PCDH17: variants seen among roughly 807,000 people sequenced by gnomAD.
PCDH17 encodes the protein protocadherin 17.
In PCDH17, 21 loss-of-function variants were observed where a neutral mutation model predicts 67.7. The ratio of observed to expected loss-of-function variants is 0.31; its 90% CI spans 0.22 to 0.45. The LOEUF is 0.45. Ranked by LOEUF, PCDH17 falls within the 20% of genes least tolerant of loss-of-function variation. The pLI, the probability that PCDH17 is intolerant of heterozygous loss-of-function variation, is 1.00. For synonymous variants in PCDH17, 701 were observed against 656.7 expected (o/e 1.07, Z -1.03); for missense variants, 1,471 against 1,564.8 (o/e 0.94, Z 1.01).
intron 1 of PCDH17, among the ~76,000 whole-genome samples, chr13:57,647,024 A>G (rs1015744072): frequency 1.3e-5 from 2 of 151,834 alleles, no homozygotes; most frequent in Admixed American, 6.6e-5. Flanking sequence ...GTAATATTCC[A>G]TAATCTGTTT....
intron 1 of PCDH17, among the ~76,000 whole-genome samples, chr13:57,645,843 G>A (rs1350674318): frequency 1.3e-5 from 2 of 151,186 alleles, no homozygotes; most frequent in African/African-American, 4.8e-5. Flanking sequence ...TGTTATGTCT[G>A]TCTATTTTTT....
chr13:57,714,557 A>G (rs1955802342), intron 3 of PCDH17, among the ~76,000 whole-genome samples: 1 of 151,778 alleles, frequency 6.6e-6, no homozygotes, highest in African/African-American at 2.4e-5. Context: ...GAAGGATAGT[A>G]GAATACTTAA....
chr13:57,652,537 A>C (rs1955055340), intron 1 of PCDH17, among the ~76,000 whole-genome samples: 1 of 152,184 alleles, frequency 6.6e-6, no homozygotes, highest in African/African-American at 2.4e-5. Context: ...TCTTCTATAT[A>C]AATTGTGACT....
intron 1 of PCDH17, among the ~76,000 whole-genome samples, chr13:57,662,335 A>T (rs1021597908): frequency 3.9e-5 from 6 of 152,220 alleles, no homozygotes; most frequent in African/African-American, 1.2e-4. Context: ...ATTATGTTAC[A>T]TGCATACATT....
intron 1 of PCDH17, among the ~76,000 whole-genome samples, chr13:57,657,219 G>A (rs958400293): frequency 2.1e-4 from 32 of 152,116 alleles, no homozygotes; most frequent in Non-Finnish European, 1.0e-4. Flanking sequence ...TTGAGCAGCA[G>A]ACTTAAAAAT....
chr13:57,641,558 GAAAAAAAAAAAAAAAAAAAAA>G (rs71209470), intron 1 of PCDH17, among the ~76,000 whole-genome samples: 4 of 24,516 alleles, frequency 1.6e-4, no homozygotes, highest in East Asian at 2.3e-3. Context: ...GTGTTTGAGA[GAAAAAAAAAAAAAAAAAAAAA>G]AAAAAAAAAT....
At position 57,729,214 on chromosome 13, in the gene PCDH17, A is replaced by G. The variant is rs1955935303; in HGVS notation, c.*3920A>G. The G allele has an allele frequency of 6.6e-6, 1 of 152,120 alleles. No homozygotes were observed. Among genetic ancestry groups the G allele is most frequent in the Non-Finnish European group, 1.5e-5 (1 of 67,968 alleles). The allele number at this position is 152,120 out of a possible 1,614,324, so 9.4% of individuals were successfully genotyped here. On this transcript the variant is annotated 3_prime_UTR_variant, in exon 4 of 4. Coordinates refer to ENST00000377918, the MANE Select transcript of PCDH17 (RefSeq NM_001040429.3). ...ACAAGGACAACAACAAAAGCAGCAT[A>G]CATTGTATGGATTTATCTCAACGCT... is the stretch of plus-strand genomic sequence containing the variant.
At chr13:57,723,174 GAAGA>G (rs1238984097) in intron 3 of PCDH17, among the ~76,000 whole-genome samples, 1 of 152,108 alleles carries the variant, frequency 6.6e-6, no homozygotes, top group African/African-American at 2.4e-5. Flanking sequence ...AATTAAAATA[GAAGA>G]AAGATACCTA....
At chr13:57,658,087 A>G (rs898227873) in intron 1 of PCDH17, among the ~76,000 whole-genome samples, 11 of 152,160 alleles carry the variant, frequency 7.2e-5, no homozygotes, top group Admixed American at 6.5e-5. Context: ...TAAAATGTAT[A>G]AAAATAATGT....
At position 57,633,900 on chromosome 13, in the gene PCDH17, C is replaced by T. The variant is rs763890261; in HGVS notation, c.1354C>T (p.Leu452Phe). 11 of 1,613,164 alleles carry T rather than the reference C, an allele frequency of 6.8e-6. No homozygotes were observed. Among genetic ancestry groups the T allele is most frequent in the Non-Finnish European group, 9.3e-6 (11 of 1,180,036 alleles). Residue 452 changes from leucine (L) to phenylalanine (F), a missense_variant, in exon 1 of 4, where the codon CTC becomes TTC. By Grantham distance (22) the Leu-to-Phe change is conservative (BLOSUM62 0). Around this residue, in one of 3 missense-constraint regions of PCDH17, gnomAD observed 1,163 missense variants for 1,230.0 expected, o/e 0.95. Coordinates refer to ENST00000377918, the MANE Select transcript of PCDH17 (RefSeq NM_001040429.3). The surrounding 1 kb of genome is among the most constrained non-coding windows in gnomAD (Gnocchi z 6.2). ...GGCGCGGGACGGGGGCTCTCCTCCC[C>T]TCAACTCCACCAAGTCGTTCGCGAT... Reference protein sequence around the residue: ...IVARDGGSPPLNSTKSFAIKI... With the variant: ...IVARDGGSPPFNSTKSFAIKI...
At chr13:57,661,685 T>C (rs532971591) in intron 1 of PCDH17, among the ~76,000 whole-genome samples, 19 of 152,276 alleles carry the variant, frequency 1.2e-4, no homozygotes, top group African/African-American at 4.6e-4. Context: ...GTGTAAGGTA[T>C]AGATCAAGGT....
In PCDH17 at chr13:57,634,561, C is replaced by G; in HGVS notation, c.2015C>G (p.Thr672Ser). 1 of 1,613,256 alleles carries G rather than the reference C, an allele frequency of 6.2e-7. No homozygotes were observed. The highest frequency in any genetic ancestry group is 8.5e-7 in the Non-Finnish European group (1 of 1,180,010). Residue 672 changes from threonine (T) to serine (S), a missense_variant, in exon 1 of 4, where the codon ACC becomes AGC. Transcript: ENST00000377918. The surrounding 1 kb of genome is among the most constrained non-coding windows in gnomAD (Gnocchi z 7.8). ...VVKVTDHGKPTLSAVAKLIIR... is the reference protein window; with the variant it reads ...VVKVTDHGKPSLSAVAKLIIR... The stretch of plus-strand genomic sequence containing the variant: ...AAGGTGACCGACCACGGCAAGCCTA[C>G]CCTGTCCGCAGTGGCCAAGCTCATC...
At chr13:57,690,206 A>C (rs1474189839) in intron 3 of PCDH17, among the ~76,000 whole-genome samples, 1 of 151,702 alleles carries the variant, frequency 6.6e-6, no homozygotes, top group East Asian at 1.9e-4. Flanking sequence ...TAATATTTAG[A>C]CTAGCATCCT....
intron 3 of PCDH17, among the ~76,000 whole-genome samples, chr13:57,681,945 ACT>A (rs758253847): frequency 1.1e-4 from 17 of 151,882 alleles, no homozygotes; most frequent in Non-Finnish European, 1.9e-4. Context: ...CTTTAATGAG[ACT>A]CTACAATGTA....
At chr13:57,705,444 G>T (rs1955712972) in intron 3 of PCDH17, among the ~76,000 whole-genome samples, 1 of 152,016 alleles carries the variant, frequency 6.6e-6, no homozygotes, top group African/African-American at 2.4e-5. Context: ...ATCTGACTAA[G>T]AACATGCATG....
intron 3 of PCDH17, among the ~76,000 whole-genome samples, chr13:57,680,372 A>G (rs1299954778): frequency 6.6e-6 from 1 of 151,640 alleles, no homozygotes; most frequent in Non-Finnish European, 1.5e-5. Context: ...GTAGCAAGCC[A>G]TAGCATAATT....
intron 3 of PCDH17, among the ~76,000 whole-genome samples, chr13:57,724,337 C>A (rs1384995141): frequency 6.6e-6 from 1 of 152,182 alleles, no homozygotes; most frequent in African/African-American, 2.4e-5. Context: ...TGGTGATGCT[C>A]TATTCTACTG....
At chr13:57,631,454 G>A (rs1260781116), upstream of PCDH17, among the ~76,000 whole-genome samples, 2 of 152,176 alleles carry the variant, frequency 1.3e-5, no homozygotes, top group African/African-American at 4.8e-5. Context: ...CCTTCGCCTG[G>A]GAAGAAAAGC....
chr13:57,688,857 AC>A (rs1270709533), intron 3 of PCDH17, among the ~76,000 whole-genome samples: 1 of 152,026 alleles, frequency 6.6e-6, no homozygotes, highest in African/African-American at 2.4e-5. Flanking sequence ...TAATTGTCTT[AC>A]CACCTCATAA....
Sources: allele counts gnomAD v4.1 joint callset (sites outside exome capture counted in the v4.1 genomes callset), GRCh38; gene constraint gnomAD v4.1.1; regional missense constraint gnomAD v4.1.1; non-coding constraint Gnocchi (gnomAD v3.1); transcripts MANE v1.5; gene names NCBI Gene and HGNC (gene_info 2026-07-23, HGNC 2026-07-21).